The following GPC5 variants were observed in gnomAD, a reference collection of about 807,000 sequenced individuals.
The protein encoded by GPC5 is glypican 5.
Under a neutral mutation model 53.9 loss-of-function variants are expected in GPC5, and 47 were observed. The ratio of observed to expected loss-of-function variants is 0.87; its 90% CI spans 0.69 to 1.11. The LOEUF (loss-of-function observed/expected upper bound fraction) is 1.11. Among genes scored for constraint, GPC5 ranks in the 50% most tolerant of loss-of-function variants. GPC5 has a pLI of 0.00. For synonymous variants in GPC5, 286 were observed against 263.3 expected, an observed-to-expected ratio of 1.09 and a Z score of -0.84; for missense variants, 748 against 713.1, an observed-to-expected ratio of 1.05 and a Z score of -0.56.
chr13:92,239,055 A>T (rs1403674637), intron 7 of GPC5, among the ~76,000 whole-genome samples: 1 of 151,556 alleles, frequency 6.6e-6, no homozygotes, highest in Admixed American at 6.6e-5. Context: ...TTGACTATAA[A>T]TGTGAAGTTT....
At chr13:91,626,042 T>C (rs1385487031) in intron 2 of GPC5, among the ~76,000 whole-genome samples, 1 of 152,078 alleles carries the variant, frequency 6.6e-6, no homozygotes, top group African/African-American at 2.4e-5. Context: ...AACAATGTAT[T>C]TTACTCTAAA....
chr13:92,195,878 T>A (rs976440900), intron 7 of GPC5, among the ~76,000 whole-genome samples: 1 of 152,188 alleles, frequency 6.6e-6, no homozygotes, highest in Admixed American at 6.5e-5. Flanking sequence ...ACTTATGTGC[T>A]CACTGTGTAC....
chr13:91,715,962 A>G (rs2036329112), intron 3 of GPC5, among the ~76,000 whole-genome samples: 1 of 152,086 alleles, frequency 6.6e-6, no homozygotes, highest in Admixed American at 6.6e-5. Context: ...TACTTTTTGT[A>G]GAGACAAGGT....
chr13:92,826,747 C>T (rs918306425), intron 7 of GPC5, among the ~76,000 whole-genome samples: 3 of 152,060 alleles, frequency 2.0e-5, no homozygotes, highest in Non-Finnish European at 2.9e-5. Flanking sequence ...CCAGCATTAA[C>T]GTATCTCATT....
intron 7 of GPC5, among the ~76,000 whole-genome samples, chr13:92,319,410 T>TAAAAA (rs67635557): frequency 3.7e-5 from 4 of 108,722 alleles, no homozygotes; most frequent in African/African-American, 1.2e-4. Flanking sequence ...TCTCTGAAAC[T>TAAAAA]AAAAAAAAAA....
intron 7 of GPC5, among the ~76,000 whole-genome samples, chr13:92,189,808 A>AT (rs1219277273): frequency 6.6e-6 from 1 of 152,218 alleles, no homozygotes; most frequent in Non-Finnish European, 1.5e-5. Context: ...AAATAAATGA[A>AT]TAATGCTTTT....
chr13:92,483,337 A>G (rs764100098), intron 7 of GPC5, among the ~76,000 whole-genome samples: 8 of 152,244 alleles, frequency 5.3e-5, no homozygotes, highest in Non-Finnish European at 1.0e-4. Flanking sequence ...CTCCCAGGCT[A>G]CAAACCTGTA....
rs2041278439 is a variant in GPC5, at chr13:92,079,495, G to T, written c.1402-65335G>T. On this transcript the variant is annotated intron_variant, in intron 6 of 7. Coordinates refer to ENST00000377067, the MANE Select transcript of GPC5 (RefSeq NM_004466.6). Reference sequence around the variant, plus strand: ...TGAGTATCTTGGCATGTGGCTCGCAGTATTTGTCATAATACGTACATCTGC... The same window carrying T: ...TGAGTATCTTGGCATGTGGCTCGCATTATTTGTCATAATACGTACATCTGC... 2.0e-5 allele frequency among the ~76,000 whole-genome samples: 3 copies of T among 152,172 alleles called. No homozygotes were observed. In the South Asian group the frequency reaches 6.2e-4, roughly 32 times the overall value.
intron 5 of GPC5, among the ~76,000 whole-genome samples, chr13:91,812,072 T>C (rs2038320818): frequency 6.6e-6 from 1 of 152,076 alleles, no homozygotes; most frequent in Non-Finnish European, 1.5e-5. Context: ...AGACTGACTG[T>C]GAATAAAGTG....
Position 92,437,588 on chromosome 13 carries a change from A to C in GPC5, c.1561+292599A>C, listed in dbSNP as rs528448780. Among the ~76,000 whole-genome samples the C allele has an allele frequency of 2.6e-5, 4 of 152,212 alleles. No homozygotes were observed. In the East Asian group the frequency reaches 7.7e-4, roughly 29 times the overall value. On this transcript the variant is annotated intron_variant, in intron 7 of 7. Coordinates refer to ENST00000377067, the MANE Select transcript of GPC5 (RefSeq NM_004466.6). The stretch of plus-strand genomic sequence containing the variant: ...AAATTCAATCATTTCACACAGTTGA[A>C]CTCCAACTTGTTTTAGGAAGTATGC...
chr13:91,521,188 T>G (rs573593892), intron 2 of GPC5, among the ~76,000 whole-genome samples: 4 of 152,266 alleles, frequency 2.6e-5, no homozygotes, highest in African/African-American at 9.6e-5. Flanking sequence ...ACAGAAGAGG[T>G]TTGCTTTCTA....
At chr13:92,630,961 C>T (rs1370809732) in intron 7 of GPC5, among the ~76,000 whole-genome samples, 1 of 152,028 alleles carries the variant, frequency 6.6e-6, no homozygotes, top group Non-Finnish European at 1.5e-5. Context: ...CTGGAATATG[C>T]TACCATTCCA....
intron 6 of GPC5, among the ~76,000 whole-genome samples, chr13:91,974,268 G>A (rs1262196851): frequency 6.6e-6 from 1 of 152,176 alleles, no homozygotes; most frequent in Non-Finnish European, 1.5e-5. Flanking sequence ...GTTCTGGCCA[G>A]GGCAATTAGG....
At chr13:92,007,876 T>G (rs1449955412) in intron 6 of GPC5, among the ~76,000 whole-genome samples, 1 of 152,112 alleles carries the variant, frequency 6.6e-6, no homozygotes, top group African/African-American at 2.4e-5. Context: ...TAGTCTCCCT[T>G]TATGCCATGT....
chr13:92,226,999 A>G (rs1044220373), intron 7 of GPC5, among the ~76,000 whole-genome samples: 25 of 152,274 alleles, frequency 1.6e-4, no homozygotes, highest in African/African-American at 6.0e-4. Context: ...CCTACAAGCA[A>G]TAGAAACTGT....
At chr13:91,403,065 T>TGA (rs1877066570) in intron 1 of GPC5, among the ~76,000 whole-genome samples, 1 of 152,200 alleles carries the variant, frequency 6.6e-6, no homozygotes, top group African/African-American at 2.4e-5. Flanking sequence ...GTGGCCATAG[T>TGA]CACTCATGGA....
intron 7 of GPC5, among the ~76,000 whole-genome samples, chr13:92,565,063 A>G (rs1882821229): frequency 6.6e-6 from 1 of 152,062 alleles, no homozygotes; most frequent in Non-Finnish European, 1.5e-5. Context: ...GGAAGGTAAA[A>G]ATGCACTCAT....
intron 7 of GPC5, among the ~76,000 whole-genome samples, chr13:92,234,345 GC>G (rs2042553902): frequency 6.6e-6 from 1 of 152,050 alleles, no homozygotes; most frequent in Non-Finnish European, 1.5e-5. Context: ...TTTAATGATT[GC>G]CATTCTAACT....
chr13:92,767,862 A>C (rs1594492997), intron 7 of GPC5, among the ~76,000 whole-genome samples: 1 of 152,150 alleles, frequency 6.6e-6, no homozygotes, highest in Non-Finnish European at 1.5e-5. Flanking sequence ...CACCCACCCT[A>C]GATGGAAACA....
Sources: gnomAD v4.1 joint callset for allele counts (sites outside exome capture counted in the v4.1 genomes callset) on GRCh38, gnomAD v4.1.1 for gene constraint, MANE v1.5 for transcripts, NCBI Gene and HGNC (gene_info 2026-07-23, HGNC 2026-07-21) for gene names.